The following ATXN7L1 variants were observed in gnomAD, a reference collection of about 807,000 sequenced individuals.
The protein encoded by ATXN7L1 is ataxin-7-like protein 1.
ATXN7L1 carries 15 observed loss-of-function variants against 70.8 expected under a neutral mutation model. The observed-to-expected ratio is 0.21, with a 90% confidence interval of 0.14 to 0.33. ATXN7L1 has a LOEUF of 0.33. Among genes scored for constraint, ATXN7L1 ranks in the 10% least tolerant of loss-of-function variants. The probability of loss-of-function intolerance (pLI) is 1.00; values close to 1 mark genes in which losing one functional copy is unlikely to be tolerated. For synonymous variants in ATXN7L1, 440 were observed against 445.1 expected (o/e 0.99, Z 0.14); for missense variants, 975 against 1,097.1 (o/e 0.89, Z 1.57).
chr7:105,875,628 C>CCT lies in ATXN7L1; in HGVS notation c.250+183_250+184insAG, dbSNP rs66660368. Among the ~76,000 whole-genome samples, 79 of 9,260 alleles carry CCT rather than the reference C, an allele frequency of 8.5e-3. 3 individuals are homozygous for CCT. Among genetic ancestry groups the CCT allele is most frequent in the African/African-American group, 0.012 (72 of 5,940 alleles). 6.1% of individuals were successfully genotyped at this position (9,260 alleles called of 152,430 possible). A position where few individuals can be genotyped will look rare whatever the true frequency, so the allele number is the denominator to read the frequency against. On this transcript the variant is annotated intron_variant, in intron 2 of 11. Coordinates refer to ENST00000419735, the MANE Select transcript of ATXN7L1 (RefSeq NM_020725.2). ...CCTTCAACAGTCTCACCCCCCTTTA[C>CCT]CCCCCCCCCAGTTGTATTTATACTT...
At chr7:105,714,039 G>C (rs1222581391) in intron 3 of ATXN7L1, among the ~76,000 whole-genome samples, 1 of 152,216 alleles carries the variant, frequency 6.6e-6, no homozygotes, top group Non-Finnish European at 1.5e-5. Flanking sequence ...CCCTGATTAA[G>C]AACTATCCAT....
chr7:105,763,648 C>T (rs1800836820), intron 3 of ATXN7L1, among the ~76,000 whole-genome samples: 2 of 152,160 alleles, frequency 1.3e-5, no homozygotes, highest in South Asian at 4.1e-4. Context: ...TTCAGCTTTG[C>T]CATTAAGTGC....
In ATXN7L1 at chr7:105,811,021, A is replaced by C. The variant is rs573039902; in HGVS notation, c.251-22313T>G. 5.3e-5 allele frequency among the ~76,000 whole-genome samples: 8 copies of C among 152,368 alleles called. No homozygotes were observed. In the East Asian group the frequency reaches 1.5e-3, roughly 29 times the overall value. ...GAATGAAGTGGCTATCAGCTAACCT[A>C]GAAAGGCCACAGATGAAGAAAGTTA... On this transcript the variant is annotated intron_variant, in intron 2 of 11. Transcript: ENST00000419735.
intron 3 of ATXN7L1, among the ~76,000 whole-genome samples, chr7:105,672,472 C>T (rs928581724): frequency 6.6e-6 from 1 of 152,206 alleles, no homozygotes; most frequent in Non-Finnish European, 1.5e-5. Context: ...CATTAATGTG[C>T]TGTAGATTAT....
At chr7:105,819,921 G>A in intron 2 of ATXN7L1, 1 of 514,910 alleles carries the variant, frequency 1.9e-6, no homozygotes, top group Non-Finnish European at 3.8e-6. Flanking sequence ...TGGCTCACGA[G>A]GTTTGCTGTA....
intron 3 of ATXN7L1, among the ~76,000 whole-genome samples, chr7:105,712,521 T>C (rs1453289106): frequency 1.3e-5 from 2 of 152,328 alleles, no homozygotes; most frequent in South Asian, 2.1e-4. Flanking sequence ...AGGTCACATC[T>C]TGAATACTTT....
rs1424116757 is a variant in ATXN7L1 at position 105,639,568 on chromosome 7, C to G, written c.864G>C (p.Glu288Asp). 5 of 1,549,102 alleles carry G rather than the reference C, an allele frequency of 3.2e-6. No individual in the cohort carries two copies. Among genetic ancestry groups the G allele is most frequent in the Non-Finnish European group, 4.4e-6 (5 of 1,145,344 alleles). ...NSNKPYRRLSEREFDPNKHCG... is the reference protein window; with the variant it reads ...NSNKPYRRLSDREFDPNKHCG... ...AGTGTTTATTTGGGTCAAATTCTCT[C>G]TCTGGTTTAAGAAACAAACAAAAAA... Residue 288 changes from glutamate to aspartate, a missense_variant and splice_region_variant, in exon 6 of 12, where the codon GAG becomes GAC. Transcript: ENST00000419735.
At chr7:105,672,809 G>A (rs561129475) in intron 3 of ATXN7L1, among the ~76,000 whole-genome samples, 1 of 152,328 alleles carries the variant, frequency 6.6e-6, no homozygotes, top group African/African-American at 2.4e-5. Flanking sequence ...ACACTTTTTA[G>A]GTGTTAGGCA....
rs1036368914 is a variant in ATXN7L1, at chr7:105,875,847, C to T, written c.215G>A (p.Gly72Glu). The change falls in exon 2 of 12, where the codon GGA becomes GAA. Residue 72 changes from glycine (G) to glutamate (E), a missense_variant. This residue lies in a region of ATXN7L1 where 135 missense variants were observed against 132.6 expected (regional missense o/e 1.02). Transcript: ENST00000419735. ...AAGCCTCATAACCTCCCTGCTTTTT[C>T]CACCCTCTTTTCCAGCCTCTTCTAA... is the stretch of plus-strand genomic sequence containing the variant. ...VDLEEAGKEGGKSREVMRLNK... is the reference protein window; with the variant it reads ...VDLEEAGKEGEKSREVMRLNK... The T allele has an allele frequency of 3.7e-6, 6 of 1,613,666 alleles. No individual in the cohort carries two copies. The highest frequency in any genetic ancestry group is 4.2e-6 in the Non-Finnish European group (5 of 1,179,898).
intron 3 of ATXN7L1, among the ~76,000 whole-genome samples, chr7:105,666,557 G>T (rs1217423340): frequency 6.6e-6 from 1 of 152,192 alleles, no homozygotes; most frequent in African/African-American, 2.4e-5. Context: ...GTTTTTCTCT[G>T]TACTCCCTTG....
intron 3 of ATXN7L1, among the ~76,000 whole-genome samples, chr7:105,768,966 C>G (rs759636668): frequency 1.3e-5 from 2 of 152,178 alleles, no homozygotes; most frequent in Admixed American, 6.5e-5. Flanking sequence ...CCTTTTCCCC[C>G]CCTGGGGTCT....
At chr7:105,668,296 C>T (rs1464342752) in intron 3 of ATXN7L1, among the ~76,000 whole-genome samples, 4 of 152,182 alleles carry the variant, frequency 2.6e-5, no homozygotes, top group East Asian at 1.9e-4. Flanking sequence ...TGCTGTGGCA[C>T]GATCATGGCT....
intron 4 of ATXN7L1, among the ~76,000 whole-genome samples, chr7:105,662,335 C>T (rs1301419834): frequency 1.3e-5 from 2 of 152,056 alleles, no homozygotes; most frequent in Admixed American, 6.6e-5. Context: ...AACTCCTGAC[C>T]TTGTGATCTG....
intron 3 of ATXN7L1, chr7:105,677,990 C>T (rs947924325): frequency 1.0e-6 from 1 of 985,290 alleles, no homozygotes; most frequent in East Asian, 1.1e-4. Flanking sequence ...ATAACGGAAC[C>T]ATTTCTGTTC....
chr7:105,702,434 C>A (rs2116238856), intron 3 of ATXN7L1, among the ~76,000 whole-genome samples: 1 of 152,152 alleles, frequency 6.6e-6, no homozygotes, highest in South Asian at 2.1e-4. Flanking sequence ...AAAGGGGGTG[C>A]TAAATGGATG....
At chr7:105,825,939 T>A (rs1209893091) in intron 2 of ATXN7L1, among the ~76,000 whole-genome samples, 1 of 152,044 alleles carries the variant, frequency 6.6e-6, no homozygotes, top group Non-Finnish European at 1.5e-5. Context: ...AGGGAAGGGA[T>A]GGAGGAAGGA....
At position 105,764,535 on chromosome 7, in the gene ATXN7L1, T is replaced by C. The variant is rs186295062; in HGVS notation, c.355+24069A>G. ...CACATGACTACAAGTTGCGTATCAC[T>C]GACTTAAAGGATTAAACATCTAAAT... is the stretch of plus-strand genomic sequence containing the variant. On this transcript the variant is annotated intron_variant, in intron 3 of 11. Transcript: ENST00000419735. Among the ~76,000 whole-genome samples the C allele has an allele frequency of 1.8e-4, 28 of 152,340 alleles. No individual in the cohort carries two copies. The East Asian group carries it at 4.8e-3, about 26-fold the overall frequency.
At chr7:105,758,965 C>T (rs961382834) in intron 3 of ATXN7L1, among the ~76,000 whole-genome samples, 2 of 152,044 alleles carry the variant, frequency 1.3e-5, no homozygotes, top group Non-Finnish European at 2.9e-5. Context: ...GAAGGGGGTC[C>T]GTGGGGTGGC....
chr7:105,669,188 TCTC>T (rs1004218318), intron 3 of ATXN7L1, among the ~76,000 whole-genome samples: 21 of 152,240 alleles, frequency 1.4e-4, no homozygotes, highest in African/African-American at 5.1e-4. Flanking sequence ...TTCAAGCAAT[TCTC>T]CTGCCTCAGC....
Sources: gnomAD v4.1 joint callset for allele counts (sites outside exome capture counted in the v4.1 genomes callset) on GRCh38, gnomAD v4.1.1 for gene constraint, gnomAD v4.1.1 regional missense constraint, MANE v1.5 for transcripts, NCBI Gene and HGNC (gene_info 2026-07-23, HGNC 2026-07-21) for gene names.